The following CPNE1 variants were observed in gnomAD, a reference collection of about 807,000 sequenced individuals.
The protein encoded by CPNE1 is copine 1, also known as copine-1.
CPNE1 carries 58 observed loss-of-function variants against 63.2 expected under a neutral mutation model. The observed-to-expected ratio is 0.92, with a 90% CI of 0.74 to 1.14. The LOEUF (loss-of-function observed/expected upper bound fraction) is 1.14, where lower values mean the gene tolerates loss of function less well. Among genes scored for constraint, CPNE1 ranks in the 50% most tolerant of loss-of-function variants. The probability of loss-of-function intolerance (pLI) is 0.00; values close to 1 mark genes in which losing one functional copy is unlikely to be tolerated. For missense variants in CPNE1, 672 were observed against 661.7 expected, an observed-to-expected ratio of 1.02 and a Z score of -0.17; for synonymous variants, 237 against 249.0, an observed-to-expected ratio of 0.95 and a Z score of 0.45.
At chr20:35,650,971 G>A (rs1382690792) in intron 1 of CPNE1, 4 of 152,528 alleles carry the variant, frequency 2.6e-5, no homozygotes, top group Non-Finnish European at 5.9e-5. Context: ...TGGTTTTCAT[G>A]ATCTCTCATC....
Position 35,631,039 on chromosome 20 carries a change from G to A in CPNE1, c.862-5C>T, listed in dbSNP as rs775673596. Reference sequence around the variant, plus strand: ...GCCAGTGAAGTCCACGCCCACCTGGGAGGAGGTGAGGAAGGCAGCTAAAGG... The same window carrying A: ...GCCAGTGAAGTCCACGCCCACCTGGAAGGAGGTGAGGAAGGCAGCTAAAGG... On this transcript the variant is annotated splice_region_variant and splice_polypyrimidine_tract_variant and intron_variant, in intron 10 of 15. Coordinates refer to ENST00000397443, the MANE Select transcript of CPNE1 (RefSeq NM_152925.3). 15 of 1,614,206 alleles carry A rather than the reference G, an allele frequency of 9.3e-6. No homozygotes were observed. In the Admixed American group the frequency reaches 1.0e-4, roughly 11 times the overall value.
chr20:35,658,840 A>G, intron 1 of CPNE1: 1 of 649,436 alleles, frequency 1.5e-6, no homozygotes, highest in Non-Finnish European at 2.8e-6. Flanking sequence ...CACACACACA[A>G]TATAGTTGCT....
intron 1 of CPNE1, chr20:35,653,019 A>T: frequency 1.2e-6 from 2 of 1,613,858 alleles, no homozygotes; most frequent in East Asian, 2.2e-5. Context: ...AACCCGGAAC[A>T]TCCAGTCCTA....
chr20:35,650,852 T>C (rs1022297757), intron 1 of CPNE1: 3 of 152,628 alleles, frequency 2.0e-5, no homozygotes, highest in South Asian at 2.1e-4. Flanking sequence ...TATAGTTTAA[T>C]AGGAAATACT....
At chr20:35,646,904 T>C (rs1005190170) in intron 1 of CPNE1, among the ~76,000 whole-genome samples, 3 of 152,152 alleles carry the variant, frequency 2.0e-5, no homozygotes, top group Non-Finnish European at 4.4e-5. Context: ...AAGATCAATA[T>C]CCAGATGTCT....
chr20:35,662,429 T>C (rs2034282334), intron 1 of CPNE1, among the ~76,000 whole-genome samples: 1 of 152,252 alleles, frequency 6.6e-6, no homozygotes. Context: ...GTAGTTTAGA[T>C]AAAATTATCT....
In CPNE1 at chr20:35,632,331, C is replaced by A. The variant is rs1013934827; in HGVS notation, c.364G>T (p.Ala122Ser). 1 of 1,614,112 alleles carries A rather than the reference C, an allele frequency of 6.2e-7. No homozygotes were observed. Among genetic ancestry groups the A allele is most frequent in the Admixed American group, 1.7e-5 (1 of 60,002 alleles). The change falls in exon 4 of 16, where the codon GCT (alanine) becomes TCT (serine). Residue 122 changes from alanine to serine, a missense_variant. Ala to Ser is a moderately conservative substitution (Grantham distance 99). Transcript: ENST00000397443. The stretch of plus-strand genomic sequence containing the variant: ...CTTACCGTGATGGTCCCCCGCCCAG[C>A]AGGTTTTCCAGGCTTCAGCATCAAG... ...LPLMLKPGKP[A>S]GRGTITVSAQ...
intron 1 of CPNE1, among the ~76,000 whole-genome samples, chr20:35,660,139 A>G (rs1285345473): frequency 3.3e-5 from 5 of 152,374 alleles, no homozygotes; most frequent in African/African-American, 1.2e-4. Flanking sequence ...CAAATATGTA[A>G]TCAACACAAT....
chr20:35,660,466 G>A (rs776830329), intron 1 of CPNE1, among the ~76,000 whole-genome samples: 46 of 152,160 alleles, frequency 3.0e-4, no homozygotes, highest in South Asian at 6.2e-4. Flanking sequence ...TGATCCACCC[G>A]CCTCAGCCTC....
Position 35,626,148 on chromosome 20 carries a change from G to T in CPNE1, c.*93C>A. 1 of 1,295,690 alleles carries T rather than the reference G, an allele frequency of 7.7e-7. No homozygotes were observed. The highest frequency in any genetic ancestry group is 1.1e-6 in the Non-Finnish European group (1 of 892,262). 80.3% of individuals were successfully genotyped at this position (1,295,690 alleles called of 1,614,324 possible). On this transcript the variant is annotated 3_prime_UTR_variant, in exon 16 of 16. Coordinates refer to ENST00000397443, the MANE Select transcript of CPNE1 (RefSeq NM_152925.3). ...ATAAAAGTATCAAAAAATACAAAGT[G>T]CTAGCACTGAGGAGAGTGAGAAGGG...
intron 1 of CPNE1, among the ~76,000 whole-genome samples, chr20:35,637,311 C>T (rs1340458282): frequency 1.3e-5 from 2 of 152,196 alleles, no homozygotes; most frequent in East Asian, 3.9e-4. Context: ...GAGCCAAACT[C>T]CCTAGCAAAG....
intron 1 of CPNE1, among the ~76,000 whole-genome samples, chr20:35,648,708 T>C (rs967555377): frequency 6.6e-6 from 1 of 152,238 alleles, no homozygotes; most frequent in African/African-American, 2.4e-5. Context: ...TCTGAAAAGG[T>C]GGATACTATG....
In CPNE1 at chr20:35,626,711, C is replaced by T. The variant is rs1187127175; in HGVS notation, c.1329G>A (p.Met443Ile). The change falls in exon 15 of 16, where the codon ATG becomes ATA. Residue 443 changes from methionine (M) to isoleucine (I), a missense_variant. Physicochemically the swap from Met to Ile is conservative, Grantham distance 10. Coordinates refer to ENST00000397443, the MANE Select transcript of CPNE1 (RefSeq NM_152925.3). ...EAVVRASNLPMSVIIVGVGGA... is the reference protein window; with the variant it reads ...EAVVRASNLPISVIIVGVGGA... The stretch of plus-strand genomic sequence containing the variant: ...CACCCACACCCACAATGATCACTGA[C>T]ATGGGCAGGTTCGAGGCACGCACCA... 1.9e-6 allele frequency: 3 copies of T among 1,614,202 alleles called. No homozygotes were observed. Among genetic ancestry groups the T allele is most frequent in the Non-Finnish European group, 1.7e-6 (2 of 1,180,036 alleles).
At chr20:35,629,025 ATCT>A (rs903721117) in intron 13 of CPNE1, among the ~76,000 whole-genome samples, 1 of 152,244 alleles carries the variant, frequency 6.6e-6, no homozygotes, top group African/African-American at 2.4e-5. Context: ...CATATTTTTA[ATCT>A]TTTTTCCCTT....
Position 35,630,726 on chromosome 20 carries a change from A to T in CPNE1, c.1050+15T>A. 6.2e-7 allele frequency: 1 copy of T among 1,613,528 alleles called. No individual in the cohort carries two copies. Among genetic ancestry groups the T allele is most frequent in the Non-Finnish European group, 8.5e-7 (1 of 1,179,454 alleles). On this transcript the variant is annotated intron_variant, in intron 12 of 15. Transcript: ENST00000397443. Reference sequence around the variant, plus strand: ...GAAACTGAAAACAGGAGTGGCAGAAAGAGAGGGAGCTCACCTGCCAGTCAG... The same window carrying T: ...GAAACTGAAAACAGGAGTGGCAGAATGAGAGGGAGCTCACCTGCCAGTCAG...
At chr20:35,664,079 C>T (rs1037096327) in intron 1 of CPNE1, among the ~76,000 whole-genome samples, 4 of 152,128 alleles carry the variant, frequency 2.6e-5, no homozygotes, top group African/African-American at 9.7e-5. Flanking sequence ...ACCCCACCCC[C>T]TCACCTCCTA....
At chr20:35,657,231 T>C (rs2033950455) in intron 1 of CPNE1, among the ~76,000 whole-genome samples, 1 of 152,096 alleles carries the variant, frequency 6.6e-6, no homozygotes. Flanking sequence ...ACAAGAAAAA[T>C]TAACGCTAAA....
chr20:35,660,448 A>G (rs116116113), intron 1 of CPNE1, among the ~76,000 whole-genome samples: 4,882 of 152,002 alleles, frequency 0.032, 268 homozygotes, highest in African/African-American at 0.11. Flanking sequence ...TTAACTCCTC[A>G]CCTCAAGTGA....
chr20:35,643,912 C>T (rs1336236287), intron 1 of CPNE1, among the ~76,000 whole-genome samples: 1 of 152,134 alleles, frequency 6.6e-6, no homozygotes, highest in Non-Finnish European at 1.5e-5. Flanking sequence ...TGCCAGTGGC[C>T]TCCCACTTTC....
Sources: allele counts gnomAD v4.1 joint callset (sites outside exome capture counted in the v4.1 genomes callset), GRCh38; gene constraint gnomAD v4.1.1; transcripts MANE v1.5; gene names NCBI Gene and HGNC (gene_info 2026-07-23, HGNC 2026-07-21).